Variants in UST observed in about 807,000 individuals in gnomAD.
UST encodes the protein uronyl 2-sulfotransferase, also known as chondroitin sulfate 2-O-sulfotransferase.
A neutral mutation model predicts 45.6 loss-of-function variants in UST; 21 were observed. That is an observed-to-expected ratio of 0.46 (90% CI 0.33 to 0.66). UST has a LOEUF of 0.66. Ranked by LOEUF, UST falls within the 30% of genes least tolerant of loss-of-function variation. UST has a pLI of 0.02. For synonymous variants in UST, 215 were observed against 200.6 expected, an observed-to-expected ratio of 1.07 and a Z score of -0.61; for missense variants, 463 against 512.4, an observed-to-expected ratio of 0.90 and a Z score of 0.93.
At chr6:148,941,192 A>G in intron 2 of UST, 87 bp from the exon 3 acceptor site, 1 of 1,499,536 alleles carries the variant, frequency 6.7e-7, no homozygotes, top group Non-Finnish European at 9.2e-7. Context: ...TTATTATATG[A>G]AACAGTTATT....
chr6:148,795,145 CA>C (rs1194515977), intron 1 of UST, among the ~76,000 whole-genome samples: 39 of 152,318 alleles, frequency 2.6e-4, no homozygotes, highest in African/African-American at 8.9e-4. Flanking sequence ...CTATGTTTTT[CA>C]TCATGGAAAA....
intron 1 of UST, among the ~76,000 whole-genome samples, chr6:148,769,064 T>A (rs1452280486): frequency 6.6e-6 from 1 of 152,242 alleles, no homozygotes; most frequent in Non-Finnish European, 1.5e-5. Flanking sequence ...ACTGTATGGA[T>A]CTCAGCCTCC....
intron 1 of UST, among the ~76,000 whole-genome samples, chr6:148,878,881 A>G (rs967084205): frequency 6.6e-6 from 1 of 151,932 alleles, no homozygotes; most frequent in African/African-American, 2.4e-5. Context: ...GAGTGTCTCC[A>G]GGACTGACAG....
intron 5 of UST, among the ~76,000 whole-genome samples, chr6:148,990,011 T>G (rs773549520): frequency 6.6e-6 from 1 of 152,178 alleles, no homozygotes; most frequent in Non-Finnish European, 1.5e-5. Flanking sequence ...ACAAAAAAAA[T>G]TAAGCGTTTA....
chr6:148,918,202 T>C (rs544720108), intron 2 of UST, among the ~76,000 whole-genome samples: 7 of 152,312 alleles, frequency 4.6e-5, no homozygotes, highest in Non-Finnish European at 7.4e-5. Context: ...CCCAAATCAA[T>C]TGGACTTTGG....
rs530870150 is a variant in UST at position 148,964,911 on chromosome 6, G to A, written c.681+348G>A. Among the ~76,000 whole-genome samples, 12 of 152,272 alleles carry A rather than the reference G, an allele frequency of 7.9e-5. No homozygotes were observed. The South Asian group carries it at 2.3e-3, about 29-fold the overall frequency. ...GTGTTGGGGGGGTGTCTGTTAGAGGGCGGCAGAGCCCCTTCTCATCCCTCA... is the reference window on the plus strand; with the variant it reads ...GTGTTGGGGGGGTGTCTGTTAGAGGACGGCAGAGCCCCTTCTCATCCCTCA... On this transcript the variant is annotated intron_variant, in intron 5 of 7. Coordinates refer to ENST00000367463, the MANE Select transcript of UST (RefSeq NM_005715.3).
In UST at chr6:148,748,186, C is replaced by A. The variant is rs1272056961; in HGVS notation, c.247+509C>A. On this transcript the variant is annotated intron_variant, in intron 1 of 7. Transcript: ENST00000367463. The surrounding 1 kb of genome is among the most constrained non-coding windows in gnomAD (Gnocchi z 5.3). ...CTGTCCCGCAGATCCCCCGCCTGCC[C>A]GCCGGCCCTAGTGGCTCCGCGCTGT... is the stretch of plus-strand genomic sequence containing the variant. Among the ~76,000 whole-genome samples the A allele has an allele frequency of 6.6e-6, 1 of 152,166 alleles. No individual in the cohort carries two copies. Among genetic ancestry groups the A allele is most frequent in the Non-Finnish European group, 1.5e-5 (1 of 68,024 alleles).
At chr6:149,055,374 C>T (rs1776547524) in intron 7 of UST, among the ~76,000 whole-genome samples, 1 of 152,104 alleles carries the variant, frequency 6.6e-6, no homozygotes, top group African/African-American at 2.4e-5. Flanking sequence ...GTTTTTAGAA[C>T]ATTATGAAAT....
At chr6:149,002,448 TA>T (rs1361213594) in intron 5 of UST, among the ~76,000 whole-genome samples, 1 of 152,206 alleles carries the variant, frequency 6.6e-6, no homozygotes, top group African/African-American at 2.4e-5. Flanking sequence ...AGTTAAAAAC[TA>T]AATAAATTTA....
chr6:148,837,743 TGGAG>T (rs755914608), intron 1 of UST, among the ~76,000 whole-genome samples: 2 of 151,882 alleles, frequency 1.3e-5, no homozygotes, highest in South Asian at 2.1e-4. Context: ...TCACCCAGGC[TGGAG>T]TGCAGTGGTG....
At chr6:148,876,374 C>A (rs766185864) in intron 1 of UST, among the ~76,000 whole-genome samples, 2 of 152,166 alleles carry the variant, frequency 1.3e-5, no homozygotes, top group Non-Finnish European at 2.9e-5. Flanking sequence ...GAGGGGACAT[C>A]CAAACTATAT....
intron 5 of UST, among the ~76,000 whole-genome samples, chr6:149,013,491 A>G (rs1033838138): frequency 1.3e-4 from 20 of 151,864 alleles, no homozygotes; most frequent in African/African-American, 4.8e-4. Context: ...GCGTCATTGC[A>G]CTCCAGCCTG....
At chr6:148,915,456 C>T (rs1779570377) in intron 2 of UST, among the ~76,000 whole-genome samples, 2 of 152,256 alleles carry the variant, frequency 1.3e-5, no homozygotes, top group South Asian at 4.1e-4. Context: ...AAAAAAAGCC[C>T]TACCTCCCAG....
chr6:148,919,275 C>A (rs1294823754), intron 2 of UST, among the ~76,000 whole-genome samples: 2 of 152,334 alleles, frequency 1.3e-5, no homozygotes, highest in African/African-American at 4.8e-5. Flanking sequence ...ACATGGCTGC[C>A]ACCACCAGAG....
chr6:148,782,492 C>T (rs535965283), intron 1 of UST, among the ~76,000 whole-genome samples: 1 of 151,906 alleles, frequency 6.6e-6, no homozygotes, highest in South Asian at 2.1e-4. Flanking sequence ...GCTCTGTCAC[C>T]CAGGCTGGAG....
intron 5 of UST, among the ~76,000 whole-genome samples, chr6:148,981,146 T>C (rs551875284): frequency 6.6e-6 from 1 of 152,342 alleles, no homozygotes; most frequent in African/African-American, 2.4e-5. Flanking sequence ...CAGTTGCCCA[T>C]GTGCTTTACA....
At chr6:149,010,909 A>AAAAAAAAAAAAAAAAAAAAAC (rs1775797799) in intron 5 of UST, among the ~76,000 whole-genome samples, 1 of 149,122 alleles carries the variant, frequency 6.7e-6, no homozygotes, top group African/African-American at 2.5e-5. Flanking sequence ...AAAAAAAAAA[A>AAAAAAAAAAAAAAAAAAAAAC]AAAAAAAAAA....
At chr6:148,926,595 G>A (rs1779818679) in intron 2 of UST, among the ~76,000 whole-genome samples, 1 of 152,212 alleles carries the variant, frequency 6.6e-6, no homozygotes, top group Non-Finnish European at 1.5e-5. Flanking sequence ...TCTAGGCGTG[G>A]TGTCTGTGTT....
intron 1 of UST, among the ~76,000 whole-genome samples, chr6:148,877,008 G>T (rs1582870262): frequency 1.9e-5 from 1 of 53,190 alleles, no homozygotes; most frequent in African/African-American, 1.1e-4. Context: ...ATATGAGTTG[G>T]GGGGGGTCAT....
Sources: gnomAD v4.1 joint callset for allele counts (sites outside exome capture counted in the v4.1 genomes callset) on GRCh38, gnomAD v4.1.1 for gene constraint, Gnocchi (gnomAD v3.1) non-coding constraint, MANE v1.5 for transcripts, NCBI Gene and HGNC (gene_info 2026-07-23, HGNC 2026-07-21) for gene names.